Variants in WDPCP observed in about 807,000 individuals in gnomAD.
The protein encoded by WDPCP is WD repeat-containing and planar cell polarity effector protein fritz homolog.
In WDPCP, 71 loss-of-function variants were observed where a neutral mutation model predicts 93.1. The ratio of observed to expected loss-of-function variants is 0.76; its 90% CI spans 0.63 to 0.93. The LOEUF (loss-of-function observed/expected upper bound fraction) is 0.93. Ranked by LOEUF, WDPCP falls within the 40% of genes least tolerant of loss-of-function variation. The pLI, the probability that WDPCP is intolerant of heterozygous loss-of-function variation, is 0.00. For missense variants in WDPCP, 844 were observed against 887.4 expected (o/e 0.95, Z 0.62); for synonymous variants, 315 against 315.0 (o/e 1.00, Z 0.00).
intron 12 of WDPCP, among the ~76,000 whole-genome samples, chr2:63,322,952 A>C (rs1687237976): frequency 1.3e-5 from 2 of 152,230 alleles, no homozygotes; most frequent in Admixed American, 6.5e-5. Flanking sequence ...CTAAAGACAC[A>C]GGTGTCAGGC....
At chr2:63,708,190 G>T (rs1323685036) in intron 2 of WDPCP, among the ~76,000 whole-genome samples, 1 of 152,214 alleles carries the variant, frequency 6.6e-6, no homozygotes, top group Non-Finnish European at 1.5e-5. Context: ...AGAGGTTATT[G>T]CTGTCTTTTG....
intron 1 of WDPCP, among the ~76,000 whole-genome samples, chr2:63,503,055 G>A (rs1173337419): frequency 6.6e-6 from 1 of 152,166 alleles, no homozygotes; most frequent in Non-Finnish European, 1.5e-5. Context: ...AAGAATTGTG[G>A]CAAAAATCTT....
chr2:63,664,379 C>T (rs1710261448), intron 2 of WDPCP, among the ~76,000 whole-genome samples: 1 of 152,226 alleles, frequency 6.6e-6, no homozygotes, highest in Admixed American at 6.5e-5. Context: ...TCTGTCTCTG[C>T]AGCTGGTACC....
rs1020733878 is a variant in WDPCP, at chr2:63,660,546, G to T, written n.309-9708C>A. On this transcript the variant is annotated intron_variant and non_coding_transcript_variant, in intron 2 of 4. Transcript: ENST00000467687. ...CCTCCCAGTCCAATTTATCTCCTCTGCTCTATATTGTTATTCTATTACCTC... is the reference window on the plus strand; with the variant it reads ...CCTCCCAGTCCAATTTATCTCCTCTTCTCTATATTGTTATTCTATTACCTC... 2.9e-4 allele frequency among the ~76,000 whole-genome samples: 44 copies of T among 152,108 alleles called. 1 individual carries two copies. Among genetic ancestry groups the T allele is most frequent in the Non-Finnish European group, 1.6e-4 (11 of 68,022 alleles).
At chr2:63,706,951 GC>G (rs1029772719) in intron 2 of WDPCP, among the ~76,000 whole-genome samples, 1 of 152,014 alleles carries the variant, frequency 6.6e-6, no homozygotes, top group Non-Finnish European at 1.5e-5. Context: ...TTGAATATTG[GC>G]CCCCCACTCT....
chr2:63,220,843 T>C (rs1208290587), intron 14 of WDPCP, among the ~76,000 whole-genome samples: 1 of 152,172 alleles, frequency 6.6e-6, no homozygotes, highest in Admixed American at 6.5e-5. Context: ...ATATTTATCC[T>C]GATGCTCTCC....
chr2:63,759,756 C>T (rs377603541), intron 2 of WDPCP, among the ~76,000 whole-genome samples: 1 of 152,252 alleles, frequency 6.6e-6, no homozygotes, highest in Non-Finnish European at 1.5e-5. Flanking sequence ...TCAAGCATTT[C>T]TCCTTCTCAC....
At chr2:63,647,929 T>G (rs1283621768) in intron 3 of WDPCP, among the ~76,000 whole-genome samples, 3 of 152,166 alleles carry the variant, frequency 2.0e-5, no homozygotes, top group Non-Finnish European at 2.9e-5. Flanking sequence ...AATCTATATC[T>G]CTAACAACTT....
intron 1 of WDPCP, among the ~76,000 whole-genome samples, chr2:63,535,392 G>A (rs990152386): frequency 1.3e-4 from 20 of 152,012 alleles, no homozygotes; most frequent in Non-Finnish European, 1.9e-4. Flanking sequence ...AAAAAGACCC[G>A]GCATTGCCAA....
intron 1 of WDPCP, among the ~76,000 whole-genome samples, chr2:63,526,883 T>G (rs568054939): frequency 6.6e-6 from 1 of 152,330 alleles, no homozygotes; most frequent in African/African-American, 2.4e-5. Flanking sequence ...TGAACTAGAA[T>G]GCATGCCACA....
At chr2:63,236,013 T>G (rs1398787727) in intron 14 of WDPCP, among the ~76,000 whole-genome samples, 2 of 151,882 alleles carry the variant, frequency 1.3e-5, no homozygotes, top group Non-Finnish European at 2.9e-5. Flanking sequence ...GAGAAAGAAA[T>G]CAAAGGCATC....
At chr2:63,150,208 T>A (rs1466489454) in intron 17 of WDPCP, among the ~76,000 whole-genome samples, 3 of 152,166 alleles carry the variant, frequency 2.0e-5, no homozygotes, top group Admixed American at 2.0e-4. Flanking sequence ...TTTATTTTGT[T>A]TTCTGGCTTT....
At chr2:63,572,167 T>C (rs867887175) in intron 1 of WDPCP, among the ~76,000 whole-genome samples, 3 of 152,164 alleles carry the variant, frequency 2.0e-5, no homozygotes, top group South Asian at 4.1e-4. Context: ...TGAATACTTT[T>C]CCTCACTCCC....
chr2:63,399,691 A>G (rs1694000076), intron 10 of WDPCP, among the ~76,000 whole-genome samples: 1 of 152,114 alleles, frequency 6.6e-6, no homozygotes. Flanking sequence ...CAGACATGCA[A>G]AACATCAAAC....
intron 3 of WDPCP, chr2:63,597,774 C>A: frequency 2.6e-6 from 1 of 388,470 alleles, no homozygotes; most frequent in Non-Finnish European, 4.4e-6. Flanking sequence ...ATTCAGAGTG[C>A]TCAAAAATAT....
At chr2:63,258,499 C>A (rs1380897519) in intron 14 of WDPCP, among the ~76,000 whole-genome samples, 3 of 152,058 alleles carry the variant, frequency 2.0e-5, no homozygotes, top group African/African-American at 4.8e-5. Flanking sequence ...AGCACAAGAT[C>A]TGTCAATGGA....
intron 14 of WDPCP, among the ~76,000 whole-genome samples, chr2:63,190,594 T>G (rs13431765): frequency 0.18 from 26,738 of 152,042 alleles, 2,569 homozygotes; most frequent in Middle Eastern, 0.23. Flanking sequence ...TTATAACTTT[T>G]AGAAAGGACA....
At chr2:63,160,720 A>G (rs1672589567) in intron 15 of WDPCP, among the ~76,000 whole-genome samples, 1 of 152,230 alleles carries the variant, frequency 6.6e-6, no homozygotes, top group African/African-American at 2.4e-5. Context: ...TTACAAAATT[A>G]GAAAATCATC....
At chr2:63,539,819 T>A (rs573999925) in intron 1 of WDPCP, among the ~76,000 whole-genome samples, 1 of 152,358 alleles carries the variant, frequency 6.6e-6, no homozygotes, top group South Asian at 2.1e-4. Flanking sequence ...CCAATAATTC[T>A]ATTAAGTATT....
Sources: allele counts gnomAD v4.1 joint callset (sites outside exome capture counted in the v4.1 genomes callset), GRCh38; gene constraint gnomAD v4.1.1; transcripts MANE v1.5; gene names NCBI Gene and HGNC (gene_info 2026-07-23, HGNC 2026-07-21).